Variants in LSM14A observed in about 807,000 individuals in gnomAD.
The protein encoded by LSM14A is LSM14A mRNA processing body assembly factor.
Under a neutral mutation model 52.4 loss-of-function variants are expected in LSM14A, and 14 were observed. The ratio of observed to expected loss-of-function variants is 0.27; its 90% confidence interval spans 0.18 to 0.42. The LOEUF is 0.42. Among genes scored for constraint, LSM14A ranks in the 10% least tolerant of loss-of-function variants. The pLI, the probability that LSM14A is intolerant of heterozygous loss-of-function variation, is 1.00. For missense variants in LSM14A, 417 were observed against 581.8 expected, an observed-to-expected ratio of 0.72 and a Z score of 2.91; for synonymous variants, 185 against 200.3, an observed-to-expected ratio of 0.92 and a Z score of 0.64.
chr19:34,223,929 G>C (rs2073199647), intron 9 of LSM14A, among the ~76,000 whole-genome samples: 1 of 152,192 alleles, frequency 6.6e-6, no homozygotes, highest in African/African-American at 2.4e-5. Flanking sequence ...AAACATCTGA[G>C]AGGTCTGACC....
intron 3 of LSM14A, among the ~76,000 whole-genome samples, chr19:34,197,681 TC>T (rs1217986990): frequency 6.6e-6 from 1 of 152,058 alleles, no homozygotes; most frequent in African/African-American, 2.4e-5. Flanking sequence ...CCTCAAGTGA[TC>T]CACCCACCTC....
intron 4 of LSM14A, 149 bp from the exon 5 acceptor site, chr19:34,214,975 C>G: frequency 2.1e-6 from 1 of 471,422 alleles, no homozygotes; most frequent in Non-Finnish European, 3.7e-6. Flanking sequence ...GGATACCATT[C>G]TTAATATCTG....
chr19:34,198,020 T>TAA (rs143552235), intron 3 of LSM14A, among the ~76,000 whole-genome samples: 2 of 149,344 alleles, frequency 1.3e-5, no homozygotes, highest in African/African-American at 4.9e-5. Context: ...GAACAGCTTT[T>TAA]AAAAAAAAAT....
chr19:34,217,194 G>C (rs528825163), intron 6 of LSM14A, among the ~76,000 whole-genome samples: 21 of 149,872 alleles, frequency 1.4e-4, no homozygotes, highest in African/African-American at 4.9e-4. Flanking sequence ...GGGAGGCGAG[G>C]TTGTAGTGAG....
intron 1 of LSM14A, among the ~76,000 whole-genome samples, chr19:34,190,055 C>G (rs561197391): frequency 6.6e-6 from 1 of 152,268 alleles, no homozygotes; most frequent in East Asian, 1.9e-4. Flanking sequence ...TGCATATGAG[C>G]TAATGTATGT....
rs755966701 is a variant in LSM14A, at chr19:34,215,614, C to T, written c.734C>T (p.Ser245Leu). ...TCTGTAGCTGAAGTACACAAAGTTT[C>T]AAGGCCAGAAAATGAGCAACTCAGA... ...EHRRAEVHKV[S>L]RPENEQLRND... is the part of the protein sequence containing the mutation. The change falls in exon 6 of 10, where the codon TCA becomes TTA. Residue 245 changes from serine (S) to leucine (L), a missense_variant. Coordinates refer to ENST00000544216, the MANE Select transcript of LSM14A (RefSeq NM_015578.4). 4 of 1,613,636 alleles carry T rather than the reference C, an allele frequency of 2.5e-6. No individual in the cohort carries two copies. In the South Asian group the frequency reaches 4.4e-5, roughly 18 times the overall value.
At chr19:34,203,939 T>C (rs2071498659) in intron 3 of LSM14A, among the ~76,000 whole-genome samples, 1 of 148,714 alleles carries the variant, frequency 6.7e-6, no homozygotes, top group Non-Finnish European at 1.5e-5. Context: ...CCCAACTATA[T>C]TATGTTTATA....
At chr19:34,174,769 G>C (rs1038659946) in intron 1 of LSM14A, among the ~76,000 whole-genome samples, 1 of 152,150 alleles carries the variant, frequency 6.6e-6, no homozygotes, top group Admixed American at 6.5e-5. Flanking sequence ...CCAGATATGG[G>C]TTGAAAATAA....
chr19:34,172,802 G>T, intron 1 of LSM14A, 39 bp downstream of exon 1: 1 of 1,541,426 alleles, frequency 6.5e-7, no homozygotes, highest in Admixed American at 2.1e-5. Flanking sequence ...GCCGAGCCGG[G>T]CGCCGCTCGG....
chr19:34,204,823 T>C (rs560028489), intron 3 of LSM14A, among the ~76,000 whole-genome samples: 7 of 152,264 alleles, frequency 4.6e-5, no homozygotes, highest in African/African-American at 1.7e-4. Context: ...TAGCTTTAAA[T>C]ACATGTATTA....
chr19:34,199,019 A>G (rs1195723442), intron 3 of LSM14A, among the ~76,000 whole-genome samples: 1 of 152,208 alleles, frequency 6.6e-6, no homozygotes, highest in Non-Finnish European at 1.5e-5. Context: ...CACAGAGGAA[A>G]AAATAATTCA....
chr19:34,205,831 T>G (rs1188021716), intron 3 of LSM14A, among the ~76,000 whole-genome samples: 1 of 152,058 alleles, frequency 6.6e-6, no homozygotes, highest in Non-Finnish European at 1.5e-5. Flanking sequence ...AAGTCAAGAG[T>G]TTGTTTTGGG....
intron 5 of LSM14A, 40 bp downstream of exon 5, chr19:34,215,340 C>G (rs1054518960): frequency 6.6e-7 from 1 of 1,511,530 alleles, no homozygotes; most frequent in Non-Finnish European, 8.9e-7. Context: ...ATTGACTGAT[C>G]AATGTTTTCC....
intron 4 of LSM14A, among the ~76,000 whole-genome samples, chr19:34,210,433 C>G (rs1176075699): frequency 6.6e-6 from 1 of 151,984 alleles, no homozygotes; most frequent in Non-Finnish European, 1.5e-5. Flanking sequence ...CCACGCCCAG[C>G]TCATTTTTTT....
intron 3 of LSM14A, among the ~76,000 whole-genome samples, chr19:34,198,033 C>T (rs1045575202): frequency 6.0e-5 from 9 of 150,500 alleles, no homozygotes; most frequent in African/African-American, 9.8e-5. Flanking sequence ...AAAAAAATCG[C>T]TTCTCAGCCT....
At chr19:34,184,795 G>A (rs933620483) in intron 1 of LSM14A, among the ~76,000 whole-genome samples, 1 of 152,136 alleles carries the variant, frequency 6.6e-6, no homozygotes, top group African/African-American at 2.4e-5. Flanking sequence ...AGTTTTATTA[G>A]CAATGTTGAC....
Position 34,201,282 on chromosome 19 carries a change from G to A in LSM14A, c.415+4519G>A, listed in dbSNP as rs576331647. 1.4e-4 allele frequency among the ~76,000 whole-genome samples: 21 copies of A among 152,312 alleles called. No individual in the cohort carries two copies. The East Asian group carries it at 3.5e-3, about 25-fold the overall frequency. ...CTAGTGTTAGAAGTTACCAAATGAG[G>A]AAGAGGAAAGCTGTGGCATTGGTCA... On this transcript the variant is annotated intron_variant, in intron 3 of 9. Transcript: ENST00000544216.
At chr19:34,209,139 A>C (rs2071939318) in intron 4 of LSM14A, 88 bp downstream of exon 4, 1 of 1,141,154 alleles carries the variant, frequency 8.8e-7, no homozygotes, top group Non-Finnish European at 1.2e-6. Context: ...TGCAGCTTGT[A>C]AATCGCGTGT....
intron 1 of LSM14A, among the ~76,000 whole-genome samples, chr19:34,174,266 A>G (rs1467562195): frequency 6.6e-6 from 1 of 152,222 alleles, no homozygotes; most frequent in African/African-American, 2.4e-5. Flanking sequence ...AATCTTTTTA[A>G]TAGCCCTGGT....
Sources: allele counts gnomAD v4.1 joint callset (sites outside exome capture counted in the v4.1 genomes callset), GRCh38; gene constraint gnomAD v4.1.1; transcripts MANE v1.5; gene names NCBI Gene and HGNC (gene_info 2026-07-23, HGNC 2026-07-21).